Variants in ZNF804B observed in about 807,000 individuals in gnomAD.
The protein encoded by ZNF804B is zinc finger protein 804B.
Under a neutral mutation model 101.4 loss-of-function variants are expected in ZNF804B, and 80 were observed. The observed-to-expected ratio is 0.79, with a 90% CI of 0.66 to 0.95. The LOEUF (loss-of-function observed/expected upper bound fraction) is 0.95. ZNF804B is among the 40% of genes least tolerant of loss of function. ZNF804B has a pLI of 0.00. For missense variants in ZNF804B, 1,673 were observed against 1,561.9 expected, an observed-to-expected ratio of 1.07 and a Z score of -1.20; for synonymous variants, 622 against 558.8, an observed-to-expected ratio of 1.11 and a Z score of -1.59.
chr7:88,862,600 C>T (rs1791666148), intron 1 of ZNF804B, among the ~76,000 whole-genome samples: 1 of 152,116 alleles, frequency 6.6e-6, no homozygotes, highest in Non-Finnish European at 1.5e-5. Flanking sequence ...TTACTTGTAA[C>T]ATTACTTGTA....
chr7:89,017,894 A>G (rs1259211652), intron 1 of ZNF804B, among the ~76,000 whole-genome samples: 1 of 151,996 alleles, frequency 6.6e-6, no homozygotes, highest in Non-Finnish European at 1.5e-5. Flanking sequence ...GACTCTGTTC[A>G]TTAGTTCTAA....
intron 2 of ZNF804B, among the ~76,000 whole-genome samples, chr7:89,287,954 A>G (rs1790232932): frequency 6.6e-6 from 1 of 151,390 alleles, no homozygotes; most frequent in Admixed American, 6.6e-5. Context: ...ACCACATACC[A>G]CTTTCTAGCA....
At chr7:89,006,806 T>C (rs1025080567) in intron 1 of ZNF804B, among the ~76,000 whole-genome samples, 1 of 152,070 alleles carries the variant, frequency 6.6e-6, no homozygotes, top group Non-Finnish European at 1.5e-5. Context: ...CCTCTGCAAA[T>C]GTAGATTAAT....
intron 1 of ZNF804B, among the ~76,000 whole-genome samples, chr7:88,836,509 T>C (rs570497929): frequency 6.6e-6 from 1 of 152,054 alleles, no homozygotes; most frequent in Admixed American, 6.6e-5. Context: ...AGTTCTATTT[T>C]TAAATTAAGT....
chr7:89,160,033 T>G (rs1044404208), intron 1 of ZNF804B, among the ~76,000 whole-genome samples: 11 of 152,180 alleles, frequency 7.2e-5, no homozygotes, highest in Admixed American at 3.3e-4. Flanking sequence ...AGCATTTATA[T>G]CTACTCATCA....
chr7:88,800,491 G>T (rs1045091652), intron 1 of ZNF804B, among the ~76,000 whole-genome samples: 4 of 152,054 alleles, frequency 2.6e-5, no homozygotes, highest in Non-Finnish European at 5.9e-5. Flanking sequence ...TTGTGAATCA[G>T]ATATTTTATC....
intron 1 of ZNF804B, among the ~76,000 whole-genome samples, chr7:89,188,799 G>C (rs759388878): frequency 2.0e-5 from 3 of 152,248 alleles, no homozygotes; most frequent in East Asian, 3.9e-4. Flanking sequence ...TTCTGTGAAA[G>C]CTAGGAGAGG....
chr7:89,207,761 A>G (rs1788736640), intron 1 of ZNF804B, among the ~76,000 whole-genome samples: 1 of 152,238 alleles, frequency 6.6e-6, no homozygotes, highest in Non-Finnish European at 1.5e-5. Context: ...TCAATCAATC[A>G]GTCAAATGTA....
chr7:89,137,069 CTT>C (rs1209005752), intron 1 of ZNF804B, among the ~76,000 whole-genome samples: 1 of 151,930 alleles, frequency 6.6e-6, no homozygotes, highest in Non-Finnish European at 1.5e-5. Flanking sequence ...AATTAAACCT[CTT>C]TCTTTCTCAG....
chr7:89,326,660 T>C (rs1267387029), intron 2 of ZNF804B, among the ~76,000 whole-genome samples: 1 of 152,058 alleles, frequency 6.6e-6, no homozygotes. Context: ...TGGCAGATTC[T>C]TAAGAAGAGG....
At chr7:88,901,073 A>G (rs1228534222) in intron 1 of ZNF804B, among the ~76,000 whole-genome samples, 1 of 151,824 alleles carries the variant, frequency 6.6e-6, no homozygotes. Context: ...TATCCAGACT[A>G]ATTTTGGTAC....
chr7:88,774,031 A>G (rs1790108132), intron 1 of ZNF804B, among the ~76,000 whole-genome samples: 1 of 151,818 alleles, frequency 6.6e-6, no homozygotes, highest in Admixed American at 6.6e-5. Context: ...AAAAAGAAAA[A>G]AGTGAGGTAA....
intron 1 of ZNF804B, among the ~76,000 whole-genome samples, chr7:89,181,005 TG>T (rs1024706171): frequency 4.6e-5 from 7 of 151,206 alleles, no homozygotes; most frequent in Admixed American, 1.3e-4. Context: ...TGGTCTGAAA[TG>T]GGGGCCTTAA....
chr7:89,291,496 A>C (rs887087492), intron 2 of ZNF804B, among the ~76,000 whole-genome samples: 14 of 152,190 alleles, frequency 9.2e-5, no homozygotes, highest in African/African-American at 2.9e-4. Flanking sequence ...GTACTGAAGA[A>C]TGGATCAGTC....
intron 1 of ZNF804B, among the ~76,000 whole-genome samples, chr7:89,053,441 A>G (rs940479366): frequency 6.6e-6 from 1 of 152,050 alleles, no homozygotes. Context: ...ACTTGTGTGA[A>G]TTTTTTCTTG....
At chr7:88,810,580 T>G (rs1272878411) in intron 1 of ZNF804B, among the ~76,000 whole-genome samples, 1 of 151,942 alleles carries the variant, frequency 6.6e-6, no homozygotes, top group Admixed American at 6.6e-5. Flanking sequence ...AAGGATCACC[T>G]GAGTCCAGGG....
chr7:89,204,970 A>G (rs1181089500), intron 1 of ZNF804B, among the ~76,000 whole-genome samples: 2 of 152,168 alleles, frequency 1.3e-5, no homozygotes, highest in African/African-American at 4.8e-5. Context: ...TTATAAAGGA[A>G]AGAGGCTTAA....
chr7:89,252,215 A>G (rs1233779363), intron 2 of ZNF804B, among the ~76,000 whole-genome samples: 1 of 152,190 alleles, frequency 6.6e-6, no homozygotes, highest in Admixed American at 6.6e-5. Context: ...AAAAAACATA[A>G]ACAAATAACC....
intron 1 of ZNF804B, among the ~76,000 whole-genome samples, chr7:89,093,262 A>T (rs549036833): frequency 1.3e-5 from 2 of 152,212 alleles, no homozygotes; most frequent in African/African-American, 4.8e-5. Context: ...CACCTTATCA[A>T]TTAGAGTATA....
Sources: allele counts gnomAD v4.1 joint callset (sites outside exome capture counted in the v4.1 genomes callset), GRCh38; gene constraint gnomAD v4.1.1; transcripts MANE v1.5; gene names NCBI Gene and HGNC (gene_info 2026-07-23, HGNC 2026-07-21).